Variants in PREX2 observed in about 807,000 individuals in gnomAD.
The protein encoded by PREX2 is phosphatidylinositol 3,4,5-trisphosphate-dependent Rac exchanger 2 protein.
A neutral mutation model predicts 203.2 loss-of-function variants in PREX2; 107 were observed. The observed-to-expected ratio is 0.53, with a 90% CI of 0.45 to 0.62. The LOEUF is 0.62. PREX2 is among the 20% of genes least tolerant of loss of function. PREX2 has a pLI of 0.00. For synonymous variants in PREX2, 672 were observed against 663.6 expected, an observed-to-expected ratio of 1.01 and a Z score of -0.19; for missense variants, 1,777 against 1,955.9, an observed-to-expected ratio of 0.91 and a Z score of 1.72.
intron 37 of PREX2, among the ~76,000 whole-genome samples, chr8:68,206,685 A>G (rs976220030): frequency 1.3e-5 from 2 of 152,224 alleles, no homozygotes; most frequent in East Asian, 3.8e-4. Context: ...TTTAGGATTT[A>G]AAAAGAATTA....
chr8:68,147,620 A>G lies in PREX2; in HGVS notation c.4231+1268A>G, dbSNP rs552878857. On this transcript the variant is annotated intron_variant, in intron 34 of 39. Transcript: ENST00000288368. Reference sequence around the variant, plus strand: ...GACCTCTTTCTTTTGTAAATTGCTCAGTCTTGGATATGTCTTTATCAGCAG... The same window carrying G: ...GACCTCTTTCTTTTGTAAATTGCTCGGTCTTGGATATGTCTTTATCAGCAG... 4.6e-5 allele frequency among the ~76,000 whole-genome samples: 7 copies of G among 152,340 alleles called. No individual in the cohort carries two copies. In the South Asian group the frequency reaches 8.3e-4, roughly 18 times the overall value.
chr8:68,024,941 G>A (rs1807672301), intron 4 of PREX2, among the ~76,000 whole-genome samples: 2 of 151,828 alleles, frequency 1.3e-5, no homozygotes, highest in African/African-American at 2.4e-5. Context: ...AATGGAAAAT[G>A]TTCCATTTCA....
chr8:68,095,615 T>A lies in PREX2; in HGVS notation c.2369-1402T>A, dbSNP rs569212451. Among the ~76,000 whole-genome samples, 58 of 147,212 alleles carry A rather than the reference T, an allele frequency of 3.9e-4. 1 individual carries two copies. The South Asian group carries it at 0.013, about 32-fold the overall frequency. On this transcript the variant is annotated intron_variant, in intron 21 of 39. Coordinates refer to ENST00000288368, the MANE Select transcript of PREX2 (RefSeq NM_024870.4). Reference sequence around the variant, plus strand: ...TGTGTATATATATATCTTTCTTTCTTCCCTTCCTTTCCTTTCCTTTCCATT... The same window carrying A: ...TGTGTATATATATATCTTTCTTTCTACCCTTCCTTTCCTTTCCTTTCCATT...
At chr8:68,151,924 A>G (rs549145264) in intron 34 of PREX2, among the ~76,000 whole-genome samples, 41 of 151,574 alleles carry the variant, frequency 2.7e-4, no homozygotes, top group Non-Finnish European at 5.0e-4. Flanking sequence ...ACGTTTTGTT[A>G]TAAACATTGT....
chr8:68,145,448 G>C (rs1274608780), intron 33 of PREX2, among the ~76,000 whole-genome samples: 1 of 152,092 alleles, frequency 6.6e-6, no homozygotes, highest in Non-Finnish European at 1.5e-5. Flanking sequence ...ACTGAGTGAG[G>C]AACATGTATT....
chr8:68,000,800 GT>G (rs950109666), intron 1 of PREX2, among the ~76,000 whole-genome samples: 1 of 151,768 alleles, frequency 6.6e-6, no homozygotes, highest in Non-Finnish European at 1.5e-5. Context: ...GGCCACATAC[GT>G]ATAACCATGT....
chr8:68,094,167 T>C (rs549445900), intron 21 of PREX2, among the ~76,000 whole-genome samples: 59 of 152,328 alleles, frequency 3.9e-4, no homozygotes, highest in Non-Finnish European at 5.9e-5. Context: ...CAACATCACC[T>C]GAGAGCTAGA....
chr8:68,050,755 G>A (rs1020340802), intron 8 of PREX2, among the ~76,000 whole-genome samples: 1 of 152,182 alleles, frequency 6.6e-6, no homozygotes, highest in Non-Finnish European at 1.5e-5. Context: ...AATTGGTCAG[G>A]CCAGGCTTCA....
chr8:68,206,198 G>A (rs1812621527), intron 37 of PREX2, among the ~76,000 whole-genome samples: 2 of 152,136 alleles, frequency 1.3e-5, no homozygotes, highest in African/African-American at 2.4e-5. Context: ...ATATCACCTC[G>A]TCTCTCAGGG....
At position 68,105,067 on chromosome 8, in the gene PREX2, C is replaced by T. The variant is rs909779965; in HGVS notation, c.2716-3042C>T. On this transcript the variant is annotated intron_variant, in intron 23 of 39. Transcript: ENST00000288368. ...ATAGGCAGATTGATGTTTACAGGGCCATTTGCACAATCAGGATGTTCTCAT... is the reference window on the plus strand; with the variant it reads ...ATAGGCAGATTGATGTTTACAGGGCTATTTGCACAATCAGGATGTTCTCAT... 7.6e-6 allele frequency: 9 copies of T among 1,183,874 alleles called. No homozygotes were observed. In the African/African-American group the frequency reaches 1.3e-4, roughly 16 times the overall value. 73.3% of individuals were successfully genotyped at this position (1,183,874 alleles called of 1,614,324 possible).
intron 1 of PREX2, among the ~76,000 whole-genome samples, chr8:67,961,891 T>C (rs553922166): frequency 6.6e-6 from 1 of 152,332 alleles, no homozygotes; most frequent in East Asian, 1.9e-4. Context: ...GTTATTAATG[T>C]GAAATGCATA....
chr8:68,154,002 G>T (rs1000570136), intron 34 of PREX2, among the ~76,000 whole-genome samples: 1 of 152,182 alleles, frequency 6.6e-6, no homozygotes, highest in Non-Finnish European at 1.5e-5. Context: ...TTTGGGACAG[G>T]ACTGGCCATT....
chr8:68,003,842 C>CTTTTT lies in PREX2; in HGVS notation c.142-13983_142-13979dup, dbSNP rs148890144. Among the ~76,000 whole-genome samples the CTTTTT allele has an allele frequency of 4.0e-3, 360 of 90,618 alleles. 3 individuals carry two copies. The highest frequency in any genetic ancestry group is 4.9e-3 in the Non-Finnish European group (235 of 47,696). 59.4% of individuals were successfully genotyped at this position (90,618 alleles called of 152,430 possible). On this transcript the variant is annotated intron_variant, in intron 1 of 39. Coordinates refer to ENST00000288368, the MANE Select transcript of PREX2 (RefSeq NM_024870.4). Reference sequence around the variant, plus strand: ...TCCACAGGAGGTCTTCTGGCCTGACCTTTTTTTTTTTTTTTTTTTTTTTTT... The same window carrying CTTTTT: ...TCCACAGGAGGTCTTCTGGCCTGACCTTTTTTTTTTTTTTTTTTTTTTTTTTTTTT...
intron 9 of PREX2, among the ~76,000 whole-genome samples, chr8:68,054,017 A>G (rs1161751903): frequency 6.6e-6 from 1 of 152,202 alleles, no homozygotes; most frequent in Non-Finnish European, 1.5e-5. Flanking sequence ...GACATTGTTG[A>G]TTACTTCTGG....
chr8:68,007,746 A>G (rs1807137840), intron 1 of PREX2, among the ~76,000 whole-genome samples: 1 of 152,018 alleles, frequency 6.6e-6, no homozygotes, highest in Non-Finnish European at 1.5e-5. Context: ...AGTAGCTGGG[A>G]CTACAGGTGC....
intron 1 of PREX2, among the ~76,000 whole-genome samples, chr8:67,959,733 A>G (rs1038435807): frequency 1.3e-5 from 2 of 152,190 alleles, no homozygotes; most frequent in African/African-American, 4.8e-5. Context: ...TCCAGTGTAC[A>G]GCTAGTGGAA....
intron 1 of PREX2, among the ~76,000 whole-genome samples, chr8:68,002,395 C>T (rs148509995): frequency 5.5e-4 from 83 of 152,290 alleles, no homozygotes; most frequent in African/African-American, 1.9e-3. Context: ...GATACTCCTG[C>T]CTCGGTCTCC....
chr8:68,056,729 A>T (rs934645323), intron 10 of PREX2, among the ~76,000 whole-genome samples: 1 of 152,216 alleles, frequency 6.6e-6, no homozygotes, highest in African/African-American at 2.4e-5. Context: ...GAAACTCTGG[A>T]TCAGGGAGCT....
intron 1 of PREX2, among the ~76,000 whole-genome samples, chr8:67,984,628 G>A (rs569765152): frequency 6.6e-6 from 1 of 152,304 alleles, no homozygotes; most frequent in African/African-American, 2.4e-5. Context: ...AGGACTTGTG[G>A]CAATTCAGTG....
Sources: allele counts gnomAD v4.1 joint callset (sites outside exome capture counted in the v4.1 genomes callset), GRCh38; gene constraint gnomAD v4.1.1; transcripts MANE v1.5; gene names NCBI Gene and HGNC (gene_info 2026-07-23, HGNC 2026-07-21).